The following PARP8 variants were observed in gnomAD, a reference collection of about 807,000 sequenced individuals.
The protein encoded by PARP8 is poly(ADP-ribose) polymerase family member 8, also known as protein mono-ADP-ribosyltransferase PARP8.
A neutral mutation model predicts 124.1 loss-of-function variants in PARP8; 51 were observed. That is an observed-to-expected ratio of 0.41 (90% confidence interval 0.33 to 0.52). The LOEUF (loss-of-function observed/expected upper bound fraction) is 0.52, where lower values mean the gene tolerates loss of function less well. Among genes scored for constraint, PARP8 ranks in the 20% least tolerant of loss-of-function variants. The pLI, the probability that PARP8 is intolerant of heterozygous loss-of-function variation, is 0.21. For synonymous variants in PARP8, 391 were observed against 361.5 expected (o/e 1.08, Z -0.93); for missense variants, 860 against 1,018.9 (o/e 0.84, Z 2.12).
chr5:50,704,698 A>G (rs535654710), intron 2 of PARP8, among the ~76,000 whole-genome samples: 45 of 152,324 alleles, frequency 3.0e-4, no homozygotes, highest in Admixed American at 6.5e-4. Context: ...TATTGGAATG[A>G]TAGTGTTTTG....
intron 2 of PARP8, chr5:50,744,861 C>A: frequency 1.5e-6 from 1 of 677,966 alleles, no homozygotes. Context: ...ACTTATGCTT[C>A]TTGACAATAT....
At chr5:50,700,492 G>T (rs1350489165) in intron 2 of PARP8, among the ~76,000 whole-genome samples, 1 of 152,166 alleles carries the variant, frequency 6.6e-6, no homozygotes. Flanking sequence ...ATTATTTACA[G>T]CCATCTATAT....
chr5:50,815,898 A>C (rs1745046521), intron 15 of PARP8, among the ~76,000 whole-genome samples: 1 of 152,216 alleles, frequency 6.6e-6, no homozygotes, highest in Admixed American at 6.5e-5. Flanking sequence ...GTGAAAAGAT[A>C]ATAGGCAGAG....
chr5:50,744,945 T>G, intron 2 of PARP8: 1 of 550,006 alleles, frequency 1.8e-6, no homozygotes, highest in Non-Finnish European at 3.2e-6. Context: ...TAAGCTTTGT[T>G]CTTTCCACGT....
chr5:50,737,841 A>G (rs1017014897), intron 2 of PARP8, among the ~76,000 whole-genome samples: 1 of 152,216 alleles, frequency 6.6e-6, no homozygotes, highest in East Asian at 1.9e-4. Flanking sequence ...TTTTAGTTAC[A>G]TATTCATTGG....
At chr5:50,688,355 C>T (rs1752104116) in intron 2 of PARP8, among the ~76,000 whole-genome samples, 1 of 152,188 alleles carries the variant, frequency 6.6e-6, no homozygotes, top group African/African-American at 2.4e-5. Flanking sequence ...GCTCAGACTT[C>T]AGTAACTGCT....
intron 2 of PARP8, among the ~76,000 whole-genome samples, chr5:50,735,966 C>G (rs976096302): frequency 3.3e-5 from 5 of 150,116 alleles, no homozygotes; most frequent in Admixed American, 1.3e-4. Flanking sequence ...TCCCCCCCCC[C>G]CTTTTATTAG....
intron 2 of PARP8, chr5:50,739,140 A>G: frequency 1.4e-6 from 1 of 696,820 alleles, no homozygotes; most frequent in Admixed American, 2.0e-5. Flanking sequence ...TGAACCAACA[A>G]CCATTGAGGC....
intron 2 of PARP8, among the ~76,000 whole-genome samples, chr5:50,682,982 A>G (rs1751461123): frequency 6.6e-6 from 1 of 152,232 alleles, no homozygotes; most frequent in Middle Eastern, 3.4e-3. Flanking sequence ...GACTGACCCA[A>G]AAAATGCCTT....
chr5:50,795,424 A>G lies in PARP8; in HGVS notation c.1428+7A>G. 1.3e-6 allele frequency: 2 copies of G among 1,563,220 alleles called. No homozygotes were observed. The highest frequency in any genetic ancestry group is 1.7e-6 in the Non-Finnish European group (2 of 1,159,062). Reference sequence around the variant, plus strand: ...TTCATCTTCTCAGCTTGCTGTGCGTAAATATTTTCATCTTGAGTTCTTAAA... The same window carrying G: ...TTCATCTTCTCAGCTTGCTGTGCGTGAATATTTTCATCTTGAGTTCTTAAA... On this transcript the variant is annotated splice_region_variant and intron_variant, in intron 12 of 25. Coordinates refer to ENST00000281631, the MANE Select transcript of PARP8 (RefSeq NM_024615.4).
At chr5:50,825,906 T>G (rs1746295100) in intron 18 of PARP8, among the ~76,000 whole-genome samples, 1 of 152,180 alleles carries the variant, frequency 6.6e-6, no homozygotes, top group African/African-American at 2.4e-5. Context: ...CACATTTAAT[T>G]TAGTCTAACA....
chr5:50,671,978 A>G (rs552922855), intron 2 of PARP8, among the ~76,000 whole-genome samples: 14 of 152,292 alleles, frequency 9.2e-5, no homozygotes, highest in Admixed American at 2.0e-4. Context: ...GCTTCCGTCT[A>G]GATAAATAGC....
At chr5:50,823,807 C>T (rs1746038272) in intron 17 of PARP8, among the ~76,000 whole-genome samples, 1 of 152,162 alleles carries the variant, frequency 6.6e-6, no homozygotes, top group African/African-American at 2.4e-5. Flanking sequence ...GACGACTGAG[C>T]GTCAGCCTAG....
At chr5:50,726,083 T>C (rs900451768) in intron 2 of PARP8, among the ~76,000 whole-genome samples, 15 of 152,268 alleles carry the variant, frequency 9.9e-5, no homozygotes, top group African/African-American at 3.6e-4. Flanking sequence ...GCTTATGCCA[T>C]GTTGTTACAA....
chr5:50,790,116 A>T (rs148290833), intron 10 of PARP8, among the ~76,000 whole-genome samples: 2 of 152,210 alleles, frequency 1.3e-5, no homozygotes, highest in African/African-American at 2.4e-5. Context: ...AAACATTCTT[A>T]TAAATTCCCA....
chr5:50,822,511 G>A lies in PARP8; in HGVS notation c.1860+111G>A, dbSNP rs183768052. On this transcript the variant is annotated intron_variant, in intron 17 of 25. Transcript: ENST00000281631. ...ATACATATCATTTAAAAATTTGTGC[G>A]GTATTAAGATGTTTTAATTAAATCA... 1.2e-4 allele frequency: 94 copies of A among 806,018 alleles called. 1 individual carries two copies. Among genetic ancestry groups the A allele is most frequent in the Middle Eastern group, 9.0e-4 (3 of 3,322 alleles). The allele number at this position is 806,018 out of a possible 1,614,324, so 49.9% of individuals were successfully genotyped here. A position where few individuals can be genotyped will look rare whatever the true frequency, so the allele number is the denominator to read the frequency against.
intron 2 of PARP8, among the ~76,000 whole-genome samples, chr5:50,681,591 A>G (rs1751297352): frequency 6.6e-6 from 1 of 152,158 alleles, no homozygotes; most frequent in Admixed American, 6.6e-5. Flanking sequence ...ATGTAATTCC[A>G]GTTTCAACTA....
chr5:50,788,831 C>G (rs1688557701), intron 10 of PARP8, among the ~76,000 whole-genome samples: 1 of 152,306 alleles, frequency 6.6e-6, no homozygotes, highest in South Asian at 2.1e-4. Flanking sequence ...CTCCAGCACC[C>G]TGCTCTCTAC....
intron 4 of PARP8, 57 bp from the exon 5 acceptor site, chr5:50,760,235 C>T (rs1282025167): frequency 5.2e-6 from 7 of 1,335,336 alleles, no homozygotes; most frequent in Admixed American, 2.8e-5. Context: ...CTTATGAATG[C>T]TTGGTAAATA....
Sources: allele counts gnomAD v4.1 joint callset (sites outside exome capture counted in the v4.1 genomes callset), GRCh38; gene constraint gnomAD v4.1.1; transcripts MANE v1.5; gene names NCBI Gene and HGNC (gene_info 2026-07-23, HGNC 2026-07-21).